The following FHL5 variants were observed in gnomAD, a reference collection of about 807,000 sequenced individuals.
FHL5 encodes the protein four and a half LIM domains 5.
FHL5 carries 33 observed loss-of-function variants against 32.0 expected under a neutral mutation model. The observed-to-expected ratio is 1.03, with a 90% confidence interval of 0.78 to 1.38. FHL5 has a LOEUF of 1.38. Among genes scored for constraint, FHL5 ranks in the 40% most tolerant of loss-of-function variants. FHL5 has a pLI of 0.00. For missense variants in FHL5, 336 were observed against 343.9 expected, an observed-to-expected ratio of 0.98 and a Z score of 0.18; for synonymous variants, 114 against 113.6, an observed-to-expected ratio of 1.00 and a Z score of -0.02.
intron 1 of FHL5, among the ~76,000 whole-genome samples, chr6:96,582,826 A>G (rs1770722062): frequency 6.6e-6 from 1 of 152,164 alleles, no homozygotes; most frequent in South Asian, 2.1e-4. Context: ...GTTTTTTTTA[A>G]GTAGCATTTG....
chr6:96,572,845 A>G lies in FHL5; in HGVS notation c.-13+9490A>G, dbSNP rs528682340. ...ATCCCACTTGGGGGATGGGATGGTG[A>G]AGGCCTGGCATTTCCTTATTCTCTA... On this transcript the variant is annotated intron_variant, in intron 1 of 5. Transcript: ENST00000450218. 2.6e-5 allele frequency among the ~76,000 whole-genome samples: 4 copies of G among 152,278 alleles called. No individual in the cohort carries two copies. The South Asian group carries it at 8.3e-4, about 32-fold the overall frequency.
chr6:96,595,098 G>A, intron 1 of FHL5, among the ~76,000 whole-genome samples: 1 of 151,516 alleles, frequency 6.6e-6, no homozygotes, highest in East Asian at 1.9e-4. Flanking sequence ...CCTTCCGTTA[G>A]AGAGTTTCCT....
intron 1 of FHL5, among the ~76,000 whole-genome samples, chr6:96,591,169 G>C (rs1353919735): frequency 6.6e-6 from 1 of 152,040 alleles, no homozygotes; most frequent in Non-Finnish European, 1.5e-5. Flanking sequence ...CTTCTTTAAA[G>C]CTTGGCAAAA....
At chr6:96,574,455 C>G (rs918723824) in intron 1 of FHL5, among the ~76,000 whole-genome samples, 5 of 152,172 alleles carry the variant, frequency 3.3e-5, no homozygotes, top group Non-Finnish European at 5.9e-5. Flanking sequence ...TAAAACTTTA[C>G]TTATGAACAC....
At chr6:96,614,504 G>A (rs1454727068) in intron 5 of FHL5, among the ~76,000 whole-genome samples, 1 of 152,108 alleles carries the variant, frequency 6.6e-6, no homozygotes, top group African/African-American at 2.4e-5. Flanking sequence ...GGAAACAAAA[G>A]TTCATTATCC....
chr6:96,585,904 G>A (rs2983897), intron 1 of FHL5, among the ~76,000 whole-genome samples: 38,849 of 152,046 alleles, frequency 0.26, 5,359 homozygotes, highest in African/African-American at 0.35. Context: ...TATAAGTAGC[G>A]TATTTATTTG....
At chr6:96,597,297 T>C (rs1183621359) in intron 1 of FHL5, among the ~76,000 whole-genome samples, 2 of 152,028 alleles carry the variant, frequency 1.3e-5, no homozygotes, top group Non-Finnish European at 2.9e-5. Context: ...TTTATTTTTA[T>C]GATTTGTTTA....
At chr6:96,603,372 A>ATT (rs370694802) in intron 1 of FHL5, among the ~76,000 whole-genome samples, 88 of 150,978 alleles carry the variant, frequency 5.8e-4, no homozygotes, top group African/African-American at 2.0e-3. Flanking sequence ...GGTTTTATGC[A>ATT]TTTTTTTTTA....
chr6:96,568,047 T>A lies in FHL5; in HGVS notation c.-13+4692T>A, dbSNP rs1344080890. On this transcript the variant is annotated intron_variant, in intron 1 of 5. Transcript: ENST00000450218. ...CTTTTGAATAAAAGTGAGATGATTGTCTTCCAAATCTTAGAAGAAAAGCTT... is the reference window on the plus strand; with the variant it reads ...CTTTTGAATAAAAGTGAGATGATTGACTTCCAAATCTTAGAAGAAAAGCTT... 4.0e-5 allele frequency among the ~76,000 whole-genome samples: 6 copies of A among 151,712 alleles called. No individual in the cohort carries two copies. In the South Asian group the frequency reaches 1.0e-3, roughly 26 times the overall value.
chr6:96,593,520 A>G (rs76934779), intron 1 of FHL5, among the ~76,000 whole-genome samples: 5,866 of 152,200 alleles, frequency 0.039, 145 homozygotes, highest in African/African-American at 0.055. Context: ...CTGGGCTTCC[A>G]TCTCTGAAAT....
intron 1 of FHL5, among the ~76,000 whole-genome samples, chr6:96,601,959 A>G (rs577622728): frequency 3.3e-5 from 5 of 152,214 alleles, no homozygotes; most frequent in African/African-American, 1.2e-4. Context: ...AATTTTGGCC[A>G]TGTTCCATTG....
chr6:96,577,743 G>A (rs1770612439), intron 1 of FHL5, among the ~76,000 whole-genome samples: 1 of 152,120 alleles, frequency 6.6e-6, no homozygotes, highest in African/African-American at 2.4e-5. Context: ...TAGAAGGATA[G>A]ATGCAAATAA....
chr6:96,567,807 G>A, intron 1 of FHL5, among the ~76,000 whole-genome samples: 1 of 144,782 alleles, frequency 6.9e-6, no homozygotes, highest in South Asian at 2.2e-4. Context: ...GTATAGAAAA[G>A]CTACTGGTTT....
chr6:96,569,202 A>G (rs1770424062), intron 1 of FHL5, among the ~76,000 whole-genome samples: 1 of 151,824 alleles, frequency 6.6e-6, no homozygotes, highest in South Asian at 2.1e-4. Context: ...TCATTGACTA[A>G]TTTGTTATTC....
intron 1 of FHL5, among the ~76,000 whole-genome samples, chr6:96,592,571 G>A (rs1582469777): frequency 6.6e-6 from 1 of 152,162 alleles, no homozygotes; most frequent in Admixed American, 6.5e-5. Flanking sequence ...AGGATTAAGA[G>A]ATTAAAGTGA....
intron 1 of FHL5, among the ~76,000 whole-genome samples, chr6:96,596,574 A>G (rs1771039233): frequency 6.6e-6 from 1 of 151,628 alleles, no homozygotes. Context: ...TCTCTTTCCC[A>G]TCACATAACA....
At chr6:96,578,205 T>A (rs1479010195) in intron 1 of FHL5, among the ~76,000 whole-genome samples, 1 of 152,204 alleles carries the variant, frequency 6.6e-6, no homozygotes, top group Non-Finnish European at 1.5e-5. Flanking sequence ...TCCTCTCTGC[T>A]CTTCCCCTCC....
Position 96,615,827 on chromosome 6 carries a change from G to A in FHL5, c.*55G>A. The A allele has an allele frequency of 7.1e-7, 1 of 1,409,802 alleles. No individual in the cohort carries two copies. Among genetic ancestry groups the A allele is most frequent in the African/African-American group, 1.5e-5 (1 of 68,440 alleles). 87.3% of individuals were successfully genotyped at this position (1,409,802 alleles called of 1,614,324 possible). ...TTTGCCTTCGTTGTCACTAAAGCCA[G>A]AACTCAGTTGCGGTCTTATTTTTGA... On this transcript the variant is annotated 3_prime_UTR_variant, in exon 6 of 6. Transcript: ENST00000450218.
At position 96,606,086 on chromosome 6, in the gene FHL5, A is replaced by G. The variant is rs1771271839; in HGVS notation, c.504+15A>G. 1 of 1,609,764 alleles carries G rather than the reference A, an allele frequency of 6.2e-7. No individual in the cohort carries two copies. Among genetic ancestry groups the G allele is most frequent in the East Asian group, 2.2e-5 (1 of 44,828 alleles). ...TTTGTAAGAAGGTAATTTTCTAAAG[A>G]GGGTGAAGCTTGTGGAAACTCAGAC... On this transcript the variant is annotated intron_variant, in intron 4 of 5. Transcript: ENST00000450218.
Sources: gnomAD v4.1 joint callset for allele counts (sites outside exome capture counted in the v4.1 genomes callset) on GRCh38, gnomAD v4.1.1 for gene constraint, MANE v1.5 for transcripts, NCBI Gene and HGNC (gene_info 2026-07-23, HGNC 2026-07-21) for gene names.